Variants in CCL26 observed in about 807,000 individuals in gnomAD.
The protein encoded by CCL26 is C-C motif chemokine 26.
Under a neutral mutation model 10.7 loss-of-function variants are expected in CCL26, and 10 were observed. The ratio of observed to expected loss-of-function variants is 0.93; its 90% CI spans 0.57 to 1.58. The LOEUF is 1.58. CCL26 is among the 40% of genes most tolerant of loss of function. The probability of loss-of-function intolerance (pLI) is 0.00; values close to 1 mark genes in which losing one functional copy is unlikely to be tolerated. For missense variants in CCL26, 116 were observed against 111.0 expected, an observed-to-expected ratio of 1.05 and a Z score of -0.20; for synonymous variants, 43 against 41.4, an observed-to-expected ratio of 1.04 and a Z score of -0.15.
chr7:75,785,623 T>C (rs1268266925), intron 1 of CCL26, among the ~76,000 whole-genome samples: 3 of 152,178 alleles, frequency 2.0e-5, no homozygotes, highest in Non-Finnish European at 4.4e-5. Context: ...CTTTCCTTCC[T>C]GGGCATGGTT....
At chr7:75,773,212 A>G (rs1398562831), upstream of CCL26, among the ~76,000 whole-genome samples, 1 of 152,054 alleles carries the variant, frequency 6.6e-6, no homozygotes, top group Non-Finnish European at 1.5e-5. Flanking sequence ...TAATATATAT[A>G]TATAGTGAGA....
chr7:75,785,720 C>T (rs1585015866), intron 1 of CCL26, among the ~76,000 whole-genome samples: 2 of 148,376 alleles, frequency 1.3e-5, no homozygotes, highest in African/African-American at 2.4e-5. Context: ...CTGACCCTAT[C>T]GATCCTAAAT....
At chr7:75,785,309 A>G (rs1803159851) in intron 1 of CCL26, among the ~76,000 whole-genome samples, 1 of 152,110 alleles carries the variant, frequency 6.6e-6, no homozygotes. Context: ...GACAGCCCTC[A>G]TTACTTCAGC....
At chr7:75,782,239 C>T (rs1360868038) in intron 1 of CCL26, among the ~76,000 whole-genome samples, 4 of 152,130 alleles carry the variant, frequency 2.6e-5, no homozygotes, top group Non-Finnish European at 5.9e-5. Context: ...TATTCGTGGA[C>T]CCAAAACTCC....
At chr7:75,772,059 C>A (rs561973659) in intron 1 of CCL26, 45 bp downstream of exon 1, 7 of 1,603,548 alleles carry the variant, frequency 4.4e-6, no homozygotes, top group African/African-American at 1.3e-5. Context: ...CACTCCCAGG[C>A]GGTCCGGGAA....
Position 75,769,698 on chromosome 7 carries a change from A to G in CCL26, c.280T>C (p.Leu94=). The G allele has an allele frequency of 6.2e-7, 1 of 1,605,868 alleles. No homozygotes were observed. Among genetic ancestry groups the G allele is most frequent in the South Asian group, 1.1e-5 (1 of 90,938 alleles). The change falls in exon 3 of 3, where the codon TTG becomes CTG. Residue 94 remains leucine, a synonymous_variant. Transcript: ENST00000005180. ...CGGATGAAAATTCAGCTGAGTCACA[A>G]TTGTTTCGGAGTTTTCAGTAAAGAA... The part of the protein sequence containing the change: ...YISLLKTPKQ[L]
intron 1 of CCL26, among the ~76,000 whole-genome samples, chr7:75,783,433 A>G (rs1803109820): frequency 6.6e-6 from 1 of 152,206 alleles, no homozygotes; most frequent in African/African-American, 2.4e-5. Flanking sequence ...TAGCTAGGTG[A>G]GATTACATGG....
At chr7:75,776,500 C>A (rs1283242364), upstream of CCL26, among the ~76,000 whole-genome samples, 1 of 141,954 alleles carries the variant, frequency 7.0e-6, no homozygotes, top group South Asian at 2.2e-4. Context: ...ACGATTGCAT[C>A]ACTGCACTCC....
chr7:75,774,457 G>A (rs1197068750), upstream of CCL26, among the ~76,000 whole-genome samples: 1 of 150,582 alleles, frequency 6.6e-6, no homozygotes, highest in Non-Finnish European at 1.5e-5. Context: ...CTGTTTGTTT[G>A]TTTTTTTGAG....
chr7:75,773,652 G>A (rs937561134), upstream of CCL26, among the ~76,000 whole-genome samples: 2 of 151,920 alleles, frequency 1.3e-5, no homozygotes, highest in Admixed American at 6.6e-5. Flanking sequence ...GAGGCAGGGG[G>A]ATCGTCTGAG....
chr7:75,769,752 G>A lies in CCL26; in HGVS notation c.226C>T (p.Pro76Ser), dbSNP rs782526716. 7 of 1,611,720 alleles carry A rather than the reference G, an allele frequency of 4.3e-6. No homozygotes were observed. In the African/African-American group the frequency reaches 8.0e-5, roughly 18 times the overall value. Residue 76 changes from proline to serine, a missense_variant, in exon 3 of 3, where the codon CCA becomes TCA. By Grantham distance (74) the Pro-to-Ser change is moderately conservative (BLOSUM62 -1). Transcript: ENST00000005180. The stretch of plus-strand genomic sequence containing the variant: ...TATTTTTGCACCCATTTTTTCCTTG[G>A]ATGGGTACAGACTTTCTTGCCTCTT... Reference protein sequence around the residue: ...TKRGKKVCTHPRKKWVQKYIS... With the variant: ...TKRGKKVCTHSRKKWVQKYIS...
At chr7:75,782,988 C>T (rs1803098727) in intron 1 of CCL26, among the ~76,000 whole-genome samples, 2 of 152,144 alleles carry the variant, frequency 1.3e-5, no homozygotes, top group Admixed American at 6.5e-5. Context: ...TGCTCCCCAA[C>T]CCTATCATCC....
intron 1 of CCL26, among the ~76,000 whole-genome samples, chr7:75,783,841 C>T (rs1803120675): frequency 6.6e-6 from 1 of 151,656 alleles, no homozygotes; most frequent in South Asian, 2.1e-4. Flanking sequence ...CAGTCCAGTT[C>T]ATTGCCCACT....
At chr7:75,776,488 CT>C (rs1554528708), upstream of CCL26, among the ~76,000 whole-genome samples, 4 of 143,740 alleles carry the variant, frequency 2.8e-5, no homozygotes. Flanking sequence ...CTGCAGTGAG[CT>C]ACGATTGCAT....
chr7:75,785,114 C>T (rs1803155102), intron 1 of CCL26, among the ~76,000 whole-genome samples: 1 of 152,168 alleles, frequency 6.6e-6, no homozygotes, highest in African/African-American at 2.4e-5. Context: ...GTGCCCAACC[C>T]ATACACTCTT....
upstream of CCL26, among the ~76,000 whole-genome samples, chr7:75,773,949 G>A (rs1802883263): frequency 1.3e-5 from 2 of 152,022 alleles, no homozygotes; most frequent in Admixed American, 6.6e-5. Context: ...GCTTCAAGGC[G>A]ATCTGCTTAC....
chr7:75,791,208 G>A (rs531009373), upstream of CCL26, among the ~76,000 whole-genome samples: 348 of 151,742 alleles, frequency 2.3e-3, no homozygotes, highest in African/African-American at 8.1e-3. Context: ...TGTATTTTTA[G>A]TAGAGACAAG....
In CCL26 at chr7:75,777,721, G is replaced by GAAAAAAAAAAAAAAA. The variant is rs60039632; in HGVS notation, c.-78-5482_-78-5468dup. On this transcript the variant is annotated intron_variant, in intron 1 of 3. Transcript: ENST00000394905. Reference sequence around the variant, plus strand: ...CCCAACAGAGTGAGATCCTGTCTCAGAAAAAAAAAAAAAAAAAAAAAGCAG... The same window carrying GAAAAAAAAAAAAAAA: ...CCCAACAGAGTGAGATCCTGTCTCAGAAAAAAAAAAAAAAAAAAAAAAAAAAAAAAAAAAAAGCAG... Among the ~76,000 whole-genome samples the GAAAAAAAAAAAAAAA allele has an allele frequency of 3.3e-4, 20 of 60,544 alleles. 2 individuals are homozygous for GAAAAAAAAAAAAAAA. Among genetic ancestry groups the GAAAAAAAAAAAAAAA allele is most frequent in the East Asian group, 5.6e-4 (1 of 1,788 alleles). The allele number at this position is 60,544 out of a possible 152,430, so 39.7% of individuals were successfully genotyped here.
upstream of CCL26, among the ~76,000 whole-genome samples, chr7:75,791,443 T>C (rs1431862603): frequency 2.0e-5 from 3 of 152,154 alleles, no homozygotes; most frequent in African/African-American, 7.2e-5. Context: ...GGCCCTTCCC[T>C]GTGGCTGAAG....
Sources: gnomAD v4.1 joint callset for allele counts (sites outside exome capture counted in the v4.1 genomes callset) on GRCh38, gnomAD v4.1.1 for gene constraint, MANE v1.5 for transcripts, NCBI Gene and HGNC (gene_info 2026-07-23, HGNC 2026-07-21) for gene names.